The following SLC15A2 variants were observed in gnomAD, a reference collection of about 807,000 sequenced individuals.
SLC15A2 encodes solute carrier family 15 member 2.
A neutral mutation model predicts 95.5 loss-of-function variants in SLC15A2; 77 were observed. That is an observed-to-expected ratio of 0.81 (90% confidence interval 0.67 to 0.97). The LOEUF is 0.97. Among genes scored for constraint, SLC15A2 ranks in the 50% least tolerant of loss-of-function variants. SLC15A2 has a pLI of 0.00. For synonymous variants in SLC15A2, 306 were observed against 306.9 expected (o/e 1.00, Z 0.03); for missense variants, 893 against 874.4 (o/e 1.02, Z -0.27).
chr3:121,913,350 T>C (rs1378383028), intron 5 of SLC15A2, among the ~76,000 whole-genome samples: 1 of 152,068 alleles, frequency 6.6e-6, no homozygotes, highest in African/African-American at 2.4e-5. Flanking sequence ...TGAGGAAAGA[T>C]TGAAGGAAAT....
chr3:121,927,956 G>A (rs1045054694), intron 14 of SLC15A2, 117 bp downstream of exon 14: 12 of 726,846 alleles, frequency 1.7e-5, no homozygotes, highest in Middle Eastern at 5.0e-4. Context: ...TTTATAAGAG[G>A]TGCATCATAA....
chr3:121,928,406 G>C lies in SLC15A2; in HGVS notation c.1207-15G>C. The C allele has an allele frequency of 6.2e-7, 1 of 1,611,336 alleles. No individual in the cohort carries two copies. The highest frequency in any genetic ancestry group is 8.5e-7 in the Non-Finnish European group (1 of 1,178,892). On this transcript the variant is annotated splice_polypyrimidine_tract_variant and intron_variant, in intron 14 of 21. Coordinates refer to ENST00000489711, the MANE Select transcript of SLC15A2 (RefSeq NM_021082.4). ...TTATTTGTTGGTGATTCTGACATGT[G>C]TTCTTTGCTCTAAGGAAATGGCCCC...
intron 7 of SLC15A2, among the ~76,000 whole-genome samples, chr3:121,920,379 T>C (rs1193083431): frequency 6.6e-6 from 1 of 152,200 alleles, no homozygotes; most frequent in Non-Finnish European, 1.5e-5. Context: ...CACTGCAACC[T>C]CCGCCTCTGA....
intron 14 of SLC15A2, 131 bp from the exon 15 acceptor site, chr3:121,928,290 A>G (rs1710161625): frequency 9.3e-6 from 11 of 1,181,428 alleles, no homozygotes; most frequent in Non-Finnish European, 5.9e-6. Flanking sequence ...TAAGCCAAAT[A>G]TTTTTCAGAG....
chr3:121,942,021 G>T lies in SLC15A2; in HGVS notation c.*1014G>T, dbSNP rs1013080367. 2.6e-5 allele frequency: 4 copies of T among 152,056 alleles called. No individual in the cohort carries two copies. The highest frequency in any genetic ancestry group is 9.7e-5 in the African/African-American group (4 of 41,416). 9.4% of individuals were successfully genotyped at this position (152,056 alleles called of 1,614,324 possible). On this transcript the variant is annotated 3_prime_UTR_variant, in exon 22 of 22. Coordinates refer to ENST00000489711, the MANE Select transcript of SLC15A2 (RefSeq NM_021082.4). ...AAAAATATCAAAGTAGTTCCTTTTT[G>T]ATGTTGTTTTCCTGATTTACTTTTC...
In SLC15A2 at chr3:121,911,585, A is replaced by G. The variant is rs747718082; in HGVS notation, c.347A>G (p.Tyr116Cys). The stretch of plus-strand genomic sequence containing the variant: ...AGCTCTCTCAACAGGACAATCATCT[A>G]TCTCTCCTTGGTGTATGTGCTTGGC... Reference protein sequence around the residue: ...SWLGKFKTIIYLSLVYVLGHV... With the variant: ...SWLGKFKTIICLSLVYVLGHV... The change falls in exon 4 of 22, where the codon TAT (tyrosine) becomes TGT (cysteine). Residue 116 changes from tyrosine (Y) to cysteine (C), a missense_variant. Physicochemically the swap from Tyr to Cys is radical, Grantham distance 194. Transcript: ENST00000489711. 2.0e-5 allele frequency: 32 copies of G among 1,613,400 alleles called. No individual in the cohort carries two copies. The Middle Eastern group carries it at 4.9e-4, about 25-fold the overall frequency.
At chr3:121,934,554 GCTCT>G (rs1472976472) in intron 19 of SLC15A2, among the ~76,000 whole-genome samples, 2 of 150,238 alleles carry the variant, frequency 1.3e-5, no homozygotes, top group African/African-American at 4.9e-5. Flanking sequence ...TCATGATTTG[GCTCT>G]CTGTTTGTCT....
At chr3:121,929,209 A>G in intron 16 of SLC15A2, 63 bp downstream of exon 16, 1 of 1,602,482 alleles carries the variant, frequency 6.2e-7, no homozygotes, top group Non-Finnish European at 8.5e-7. Context: ...TGTCTCATCA[A>G]CATCTTACCA....
rs538112864 is a variant in SLC15A2 at position 121,936,425 on chromosome 3, C to G, written c.1762-2924C>G. ...CAGTCTCTTTGTGGGTCACTGAGGA[C>G]TTGCTTTATGACTCTGGGTGCTCCT... On this transcript the variant is annotated intron_variant, in intron 19 of 21. Coordinates refer to ENST00000489711, the MANE Select transcript of SLC15A2 (RefSeq NM_021082.4). Among the ~76,000 whole-genome samples, 4 of 152,236 alleles carry G rather than the reference C, an allele frequency of 2.6e-5. No individual in the cohort carries two copies. In the East Asian group the frequency reaches 5.8e-4, roughly 22 times the overall value.
chr3:121,940,356 T>C, intron 20 of SLC15A2, 28 bp from the exon 21 acceptor site: 1 of 1,585,368 alleles, frequency 6.3e-7, no homozygotes. Context: ...AGGGGGTTTG[T>C]TTACTTTCAA....
Position 121,915,228 on chromosome 3 carries a change from C to G in SLC15A2, c.530C>G (p.Ala177Gly). 6.2e-7 allele frequency: 1 copy of G among 1,610,938 alleles called. No homozygotes were observed. Among genetic ancestry groups the G allele is most frequent in the Non-Finnish European group, 8.5e-7 (1 of 1,177,166 alleles). Reference sequence around the variant, plus strand: ...GATGATTTATCCTGTTTGTTTCAGGCAGAGGAACGGACTAGATACTTCTCA... The same window carrying G: ...GATGATTTATCCTGTTTGTTTCAGGGAGAGGAACGGACTAGATACTTCTCA... Reference protein sequence around the residue: ...FGGDQFEEKHAEERTRYFSVF... With the variant: ...FGGDQFEEKHGEERTRYFSVF... The change falls in exon 6 of 22, where the codon GCA becomes GGA. Residue 177 changes from alanine to glycine, a missense_variant and splice_region_variant. Transcript: ENST00000489711.
intron 3 of SLC15A2, among the ~76,000 whole-genome samples, chr3:121,899,176 T>G (rs1709476063): frequency 6.6e-6 from 1 of 152,230 alleles, no homozygotes; most frequent in Admixed American, 6.5e-5. Context: ...AGCAATTGTT[T>G]CCTGGTTAAT....
At chr3:121,938,729 C>T (rs888055235) in intron 19 of SLC15A2, among the ~76,000 whole-genome samples, 1 of 152,218 alleles carries the variant, frequency 6.6e-6, no homozygotes, top group African/African-American at 2.4e-5. Context: ...CCGTCTTCTG[C>T]ATTGCTCACG....
rs1710019252 is a variant in SLC15A2 at position 121,922,209 on chromosome 3, A to C, written c.698-11A>C. Reference sequence around the variant, plus strand: ...GAGAAGCTAAGAACCTTGTTTGTGTATCAACTGCAGTTGTGTTTGCAATGG... The same window carrying C: ...GAGAAGCTAAGAACCTTGTTTGTGTCTCAACTGCAGTTGTGTTTGCAATGG... On this transcript the variant is annotated splice_polypyrimidine_tract_variant and intron_variant, in intron 7 of 21. Transcript: ENST00000489711. 1 of 1,610,672 alleles carries C rather than the reference A, an allele frequency of 6.2e-7. No homozygotes were observed. Among genetic ancestry groups the C allele is most frequent in the African/African-American group, 1.3e-5 (1 of 74,874 alleles).
At chr3:121,926,214 C>A (rs1710119024) in intron 13 of SLC15A2, among the ~76,000 whole-genome samples, 1 of 152,036 alleles carries the variant, frequency 6.6e-6, no homozygotes, top group Non-Finnish European at 1.5e-5. Flanking sequence ...AATATTTGTA[C>A]CCACTCAAAT....
intron 5 of SLC15A2, 86 bp downstream of exon 5, chr3:121,913,206 A>G: frequency 1.0e-6 from 1 of 997,668 alleles, no homozygotes; most frequent in South Asian, 1.4e-5. Context: ...GCCAAGATTG[A>G]AGTAATGTAC....
chr3:121,940,527 GT>G, intron 21 of SLC15A2, 39 bp downstream of exon 21: 3 of 1,522,628 alleles, frequency 2.0e-6, no homozygotes, highest in South Asian at 1.1e-5. Flanking sequence ...TTCTACTCAA[GT>G]TTTTCCTCCA....
At chr3:121,904,800 G>A (rs1225045817) in intron 3 of SLC15A2, among the ~76,000 whole-genome samples, 2 of 152,196 alleles carry the variant, frequency 1.3e-5, no homozygotes, top group African/African-American at 4.8e-5. Context: ...AGGGATACTG[G>A]TCTAAAATTC....
At chr3:121,898,654 A>C (rs1379343093) in intron 3 of SLC15A2, among the ~76,000 whole-genome samples, 1 of 152,224 alleles carries the variant, frequency 6.6e-6, no homozygotes, top group African/African-American at 2.4e-5. Context: ...AGCAAAGCTA[A>C]AAATGTTCCC....
Sources: allele counts gnomAD v4.1 joint callset (sites outside exome capture counted in the v4.1 genomes callset), GRCh38; gene constraint gnomAD v4.1.1; transcripts MANE v1.5; gene names NCBI Gene and HGNC (gene_info 2026-07-23, HGNC 2026-07-21).